Variants in PLCG2 observed in about 807,000 individuals in gnomAD.
The protein encoded by PLCG2 is 1-phosphatidylinositol 4,5-bisphosphate phosphodiesterase gamma-2.
Under a neutral mutation model 175.6 loss-of-function variants are expected in PLCG2, and 69 were observed. The observed-to-expected ratio is 0.39, with a 90% CI of 0.32 to 0.48. The LOEUF (loss-of-function observed/expected upper bound fraction) is 0.48. Ranked by LOEUF, PLCG2 falls within the 20% of genes least tolerant of loss-of-function variation. The probability of loss-of-function intolerance (pLI) is 0.91; values close to 1 mark genes in which losing one functional copy is unlikely to be tolerated. For missense variants in PLCG2, 1,798 were observed against 1,650.9 expected, an observed-to-expected ratio of 1.09 and a Z score of -1.54; for synonymous variants, 827 against 624.0, an observed-to-expected ratio of 1.33 and a Z score of -4.85.
intron 5 of PLCG2, among the ~76,000 whole-genome samples, chr16:81,860,544 T>G (rs561223204): frequency 1.3e-5 from 2 of 152,310 alleles, no homozygotes; most frequent in South Asian, 2.1e-4. Flanking sequence ...CATTAGACTT[T>G]GATCTTTGTT....
intron 31 of PLCG2, among the ~76,000 whole-genome samples, chr16:81,952,007 G>C (rs1379694163): frequency 2.0e-5 from 3 of 152,070 alleles, no homozygotes; most frequent in African/African-American, 7.2e-5. Flanking sequence ...ACTTCTGTCT[G>C]TTCTAGAAGT....
Position 81,854,486 on chromosome 16 carries a change from C to G in PLCG2, c.236C>G (p.Ser79Cys). ...AAAGAAATCCGCCCAGGGAAGAACTCCAAAGATTTCGAGCGAGCAAAAGCA... is the reference window on the plus strand; with the variant it reads ...AAAGAAATCCGCCCAGGGAAGAACTGCAAAGATTTCGAGCGAGCAAAAGCA... ...EIKEIRPGKN[S>C]KDFERAKAVR... The change falls in exon 3 of 33, where the codon TCC becomes TGC. Residue 79 changes from serine (S) to cysteine (C), a missense_variant. Physicochemically the swap from Ser to Cys is moderately radical, Grantham distance 112. Transcript: ENST00000564138. 1 of 1,614,042 alleles carries G rather than the reference C, an allele frequency of 6.2e-7. No individual in the cohort carries two copies. Among genetic ancestry groups the G allele is most frequent in the Non-Finnish European group, 8.5e-7 (1 of 1,179,900 alleles).
chr16:81,767,577 GTT>G (rs943581492), intron 2 of PLCG2: 1 of 151,290 alleles, frequency 6.6e-6, no homozygotes, highest in African/African-American at 2.4e-5. Context: ...ATAAAATCTT[GTT>G]TTTTTTCTTT....
chr16:81,859,636 G>A (rs1906864300), intron 5 of PLCG2, among the ~76,000 whole-genome samples: 2 of 152,100 alleles, frequency 1.3e-5, no homozygotes, highest in East Asian at 3.9e-4. Flanking sequence ...CTGGGTTCAT[G>A]CCATTCTCCT....
In PLCG2 at chr16:81,893,733, G is replaced by C. The variant is rs563515907; in HGVS notation, c.1011G>C (p.Arg337=). ...HNTYLTGDQL[R]SESSPEAYIR... is the part of the protein sequence containing the mutation. ...GGTACCTTACAGGTGACCAGCTGCG[G>C]AGCGAGTCGTCCCCAGAAGCTTACA... Residue 337 remains arginine, a synonymous_variant, in exon 12 of 33, where the codon CGG becomes CGC. Transcript: ENST00000564138. The C allele has an allele frequency of 2.5e-6, 4 of 1,612,328 alleles. No homozygotes were observed. In the African/African-American group the frequency reaches 5.3e-5, roughly 22 times the overall value.
upstream of PLCG2, chr16:81,739,066 A>T (rs1909525164): frequency 6.6e-6 from 1 of 151,930 alleles, no homozygotes. Context: ...AGTGCTGTGC[A>T]GGAGGAAGCT....
intron 2 of PLCG2, among the ~76,000 whole-genome samples, chr16:81,757,600 G>T (rs1254766466): frequency 2.6e-5 from 4 of 151,954 alleles, no homozygotes; most frequent in African/African-American, 7.3e-5. Context: ...AAAAAAAGCT[G>T]TTGTTTCACA....
At chr16:81,750,669 T>G (rs1909792504) in intron 1 of PLCG2, among the ~76,000 whole-genome samples, 1 of 97,636 alleles carries the variant, frequency 1.0e-5, no homozygotes, top group African/African-American at 3.5e-5. Context: ...GGAGATTTTT[T>G]TTTTTTTTTT....
chr16:81,943,218 A>T (rs1323611883), intron 30 of PLCG2, among the ~76,000 whole-genome samples: 3 of 152,164 alleles, frequency 2.0e-5, no homozygotes, highest in Non-Finnish European at 2.9e-5. Flanking sequence ...ATAAAGACAT[A>T]CCTGAGACTG....
intron 2 of PLCG2, among the ~76,000 whole-genome samples, chr16:81,832,621 C>G (rs1452575046): frequency 6.6e-6 from 1 of 152,182 alleles, no homozygotes; most frequent in Non-Finnish European, 1.5e-5. Context: ...CCAGGCTGGT[C>G]TTAAACTGCA....
At chr16:81,924,117 A>G (rs1434966245) in intron 22 of PLCG2, among the ~76,000 whole-genome samples, 1 of 152,234 alleles carries the variant, frequency 6.6e-6, no homozygotes, top group Non-Finnish European at 1.5e-5. Context: ...TGAAGACAAT[A>G]CGTTTTTCGT....
intron 2 of PLCG2, among the ~76,000 whole-genome samples, chr16:81,825,948 C>A (rs1247919972): frequency 6.6e-6 from 1 of 151,996 alleles, no homozygotes; most frequent in Non-Finnish European, 1.5e-5. Flanking sequence ...TGGCATTGGA[C>A]CAGAGAAATT....
intron 9 of PLCG2, among the ~76,000 whole-genome samples, chr16:81,888,902 A>C (rs548436769): frequency 6.6e-6 from 1 of 152,288 alleles, no homozygotes; most frequent in South Asian, 2.1e-4. Context: ...CTGCTTTTGC[A>C]ACACAACAGC....
chr16:81,907,897 G>T, intron 16 of PLCG2, 123 bp downstream of exon 16: 1 of 654,802 alleles, frequency 1.5e-6, no homozygotes, highest in African/African-American at 1.8e-5. Flanking sequence ...CTCCGCTGAA[G>T]AAGCTGTTGA....
At chr16:81,759,006 C>G (rs1909987327) in intron 2 of PLCG2, among the ~76,000 whole-genome samples, 3 of 152,162 alleles carry the variant, frequency 2.0e-5, no homozygotes, top group African/African-American at 7.2e-5. Flanking sequence ...TTTAGCCTTT[C>G]TAGCAGGTGT....
At position 81,889,296 on chromosome 16, in the gene PLCG2, C is replaced by T. The variant is rs28482417; in HGVS notation, c.867+23C>T. The T allele has an allele frequency of 5.8e-3, 7,695 of 1,331,494 alleles. 325 individuals are homozygous for T. In the African/African-American group the frequency reaches 0.096, roughly 17 times the overall value. 82.5% of individuals were successfully genotyped at this position (1,331,494 alleles called of 1,614,324 possible). On this transcript the variant is annotated intron_variant, in intron 10 of 32. Transcript: ENST00000564138. ...GAGGTGAGTAGGCTGGGCTTGTTGT[C>T]GCTTGGGGGTGACTTTTTGATTGAT...
Position 81,797,281 on chromosome 16 carries a change from G to GA in PLCG2, c.193+11111dup, listed in dbSNP as rs35978156. On this transcript the variant is annotated intron_variant, in intron 2 of 32. Transcript: ENST00000564138. ...AGATGTCCCTTGGTGAATCATTTTTGAAAAAAAAAAAATTATCTCCACTAC... is the reference window on the plus strand; with the variant it reads ...AGATGTCCCTTGGTGAATCATTTTTGAAAAAAAAAAAAATTATCTCCACTAC... Among the ~76,000 whole-genome samples, 1,012 of 146,612 alleles carry GA rather than the reference G, an allele frequency of 6.9e-3. 8 individuals are homozygous for GA. The highest frequency in any genetic ancestry group is 0.011 in the South Asian group (51 of 4,672).
intron 7 of PLCG2, among the ~76,000 whole-genome samples, chr16:81,878,113 C>A (rs1447867800): frequency 6.6e-6 from 1 of 150,896 alleles, no homozygotes; most frequent in African/African-American, 2.4e-5. Context: ...TCCCGAGTAG[C>A]TGGGGACTAC....
At chr16:81,798,138 C>T (rs991742826) in intron 2 of PLCG2, among the ~76,000 whole-genome samples, 1 of 152,086 alleles carries the variant, frequency 6.6e-6, no homozygotes, top group Admixed American at 6.5e-5. Context: ...GCCTGAGTCT[C>T]AGTTTTCTTA....
Sources: allele counts gnomAD v4.1 joint callset (sites outside exome capture counted in the v4.1 genomes callset), GRCh38; gene constraint gnomAD v4.1.1; transcripts MANE v1.5; gene names NCBI Gene and HGNC (gene_info 2026-07-23, HGNC 2026-07-21).